Variants in GLIS1 observed in about 807,000 individuals in gnomAD.
GLIS1 encodes zinc finger protein GLIS1.
A neutral mutation model predicts 63.8 loss-of-function variants in GLIS1; 24 were observed. The observed-to-expected ratio is 0.38, with a 90% confidence interval of 0.27 to 0.53. GLIS1 has a LOEUF of 0.53. Among genes scored for constraint, GLIS1 ranks in the 20% least tolerant of loss-of-function variants. The pLI, the probability that GLIS1 is intolerant of heterozygous loss-of-function variation, is 0.85. For synonymous variants in GLIS1, 450 were observed against 482.5 expected (o/e 0.93, Z 0.88); for missense variants, 1,036 against 1,074.1 (o/e 0.96, Z 0.50).
chr1:53,709,044 A>C (rs1170418092), intron 2 of GLIS1, among the ~76,000 whole-genome samples: 3 of 152,088 alleles, frequency 2.0e-5, no homozygotes, highest in Non-Finnish European at 4.4e-5. Flanking sequence ...GAAGTCAAAG[A>C]TTATCTATCT....
At chr1:53,702,404 A>G (rs1429537273) in intron 2 of GLIS1, among the ~76,000 whole-genome samples, 2 of 152,274 alleles carry the variant, frequency 1.3e-5, no homozygotes, top group African/African-American at 4.8e-5. Flanking sequence ...AGTACACATT[A>G]GCACACATGA....
chr1:53,556,446 G>GTGTT (rs1644828672), intron 4 of GLIS1, among the ~76,000 whole-genome samples: 2 of 143,958 alleles, frequency 1.4e-5, no homozygotes, highest in African/African-American at 5.3e-5. Flanking sequence ...TACTGCAGGT[G>GTGTT]TGTGTATGCA....
chr1:53,594,832 A>C lies in GLIS1; in HGVS notation c.596T>G (p.Leu199Arg). Residue 199 changes from leucine (L) to arginine (R), a missense_variant, in exon 4 of 11, where the codon CTG (leucine) becomes CGG (arginine). By Grantham distance (102) the Leu-to-Arg change is moderately radical. Around this residue, in one of 3 missense-constraint regions of GLIS1, gnomAD observed 592 missense variants for 593.9 expected, o/e 1.00. Coordinates refer to ENST00000628545, the MANE Select transcript of GLIS1 (RefSeq NM_001367484.1). Reference protein sequence around the residue: ...GPLATGLHPDLDLPGRSLATP... With the variant: ...GPLATGLHPDRDLPGRSLATP... ...GGCGAGGCTTCGGCCCGGGAGGTCC[A>C]GGTCTGGGTGCAGGCCAGTGGCCAG... The C allele has an allele frequency of 6.2e-7, 1 of 1,604,394 alleles. No homozygotes were observed. Among genetic ancestry groups the C allele is most frequent in the South Asian group, 1.1e-5 (1 of 89,716 alleles).
chr1:53,633,249 G>T (rs1645686069), intron 2 of GLIS1, among the ~76,000 whole-genome samples: 1 of 148,734 alleles, frequency 6.7e-6, no homozygotes, highest in Admixed American at 6.7e-5. Flanking sequence ...GTGTGAAGGG[G>T]CGTGTGAATA....
Position 53,560,982 on chromosome 1 carries a change from C to T in GLIS1, c.1321-31030G>A, listed in dbSNP as rs1384372376. ...GGATGTCCGCTCCCTTCAGGATCTC[C>T]AATGTGCGCTCCGGGACCAAGCCCC... On this transcript the variant is annotated intron_variant, in intron 4 of 10. Transcript: ENST00000628545. The surrounding 1 kb of genome is among the most constrained non-coding windows in gnomAD (Gnocchi z 4.4). 6.6e-6 allele frequency among the ~76,000 whole-genome samples: 1 copy of T among 152,198 alleles called. No homozygotes were observed. The highest frequency in any genetic ancestry group is 1.5e-5 in the Non-Finnish European group (1 of 68,028).
At chr1:53,688,447 G>A (rs752589594) in intron 2 of GLIS1, among the ~76,000 whole-genome samples, 5 of 152,158 alleles carry the variant, frequency 3.3e-5, no homozygotes, top group Non-Finnish European at 5.9e-5. Flanking sequence ...CCCAGCCTCT[G>A]TGCCACCTTT....
At chr1:53,575,290 T>C (rs1475935652) in intron 4 of GLIS1, among the ~76,000 whole-genome samples, 1 of 152,128 alleles carries the variant, frequency 6.6e-6, no homozygotes, top group Non-Finnish European at 1.5e-5. Context: ...TCAACCCTCC[T>C]GCGGTCTCTG....
intron 7 of GLIS1, among the ~76,000 whole-genome samples, chr1:53,517,619 C>T (rs1335385097): frequency 4.0e-5 from 6 of 150,072 alleles, no homozygotes; most frequent in Non-Finnish European, 7.5e-5. Context: ...CAGGATGGGC[C>T]TGGCAGATAA....
chr1:53,664,580 C>A (rs1204393475), intron 2 of GLIS1, among the ~76,000 whole-genome samples: 2 of 152,224 alleles, frequency 1.3e-5, no homozygotes, highest in Non-Finnish European at 2.9e-5. Flanking sequence ...GTGCCAGGCA[C>A]CATTCTAGGC....
At chr1:53,597,176 TAAAAAAAAAAAAAAAAAAAAAAAA>T (rs57607550) in intron 3 of GLIS1, among the ~76,000 whole-genome samples, 1 of 19,312 alleles carries the variant, frequency 5.2e-5, no homozygotes, top group African/African-American at 1.4e-4. Flanking sequence ...CTGTCTCTAC[TAAAAAAAAAAAAAAAAAAAAAAAA>T]AAAAAAAAAA....
At chr1:53,631,483 A>G (rs982376585) in intron 2 of GLIS1, among the ~76,000 whole-genome samples, 9 of 152,246 alleles carry the variant, frequency 5.9e-5, no homozygotes, top group Non-Finnish European at 1.2e-4. Context: ...AACATTATTC[A>G]GTCATCACAT....
chr1:53,514,233 G>A (rs1450546051), intron 8 of GLIS1, among the ~76,000 whole-genome samples: 2 of 152,188 alleles, frequency 1.3e-5, no homozygotes, highest in Non-Finnish European at 2.9e-5. Flanking sequence ...GCGCGCAGTG[G>A]GCAGTCTGCT....
In GLIS1 at chr1:53,509,199, T is replaced by G. The variant is rs146824733; in HGVS notation, c.2151A>C (p.Gly717=). 76 of 1,599,940 alleles carry G rather than the reference T, an allele frequency of 4.8e-5. 1 individual carries two copies. The African/African-American group carries it at 8.3e-4, about 17-fold the overall frequency. ...RMAEPAAGGD[G]LVGETHGFNP... ...TGAAACCGTGGGTCTCCCCGACCAGTCCGTCCCCACCGGCTGCTGGTTCAG... is the reference window on the plus strand; with the variant it reads ...TGAAACCGTGGGTCTCCCCGACCAGGCCGTCCCCACCGGCTGCTGGTTCAG... The change falls in exon 10 of 11, where the codon GGA becomes GGC. Residue 717 remains glycine (G), a synonymous_variant. Transcript: ENST00000628545.
At chr1:53,738,570 C>A (rs965749077) in intron 1 of GLIS1, among the ~76,000 whole-genome samples, 1 of 152,186 alleles carries the variant, frequency 6.6e-6, no homozygotes, top group Non-Finnish European at 1.5e-5. Context: ...TCTCCGGGGC[C>A]GAGCTGCGCG....
chr1:53,662,005 C>T (rs1393646156), intron 2 of GLIS1, among the ~76,000 whole-genome samples: 1 of 152,184 alleles, frequency 6.6e-6, no homozygotes, highest in Non-Finnish European at 1.5e-5. Context: ...CTCTGCTCAA[C>T]ACAGGGAGGG....
intron 2 of GLIS1, among the ~76,000 whole-genome samples, chr1:53,670,449 A>AG (rs1258778675): frequency 6.6e-6 from 1 of 152,234 alleles, no homozygotes; most frequent in African/African-American, 2.4e-5. Context: ...TTCAAAGACA[A>AG]GGATGGGTCT....
chr1:53,716,265 C>A (rs1557538267), intron 2 of GLIS1, among the ~76,000 whole-genome samples: 1 of 151,998 alleles, frequency 6.6e-6, no homozygotes, highest in African/African-American at 2.4e-5. Flanking sequence ...GGGTAGGGGC[C>A]CAACAGTGAG....
intron 4 of GLIS1, among the ~76,000 whole-genome samples, chr1:53,563,625 T>A (rs1310133993): frequency 1.3e-5 from 2 of 152,194 alleles, no homozygotes; most frequent in African/African-American, 4.8e-5. Context: ...AAGGCTAATC[T>A]ACCTTTAATC....
chr1:53,695,464 G>T (rs1362723114), intron 2 of GLIS1, among the ~76,000 whole-genome samples: 1 of 152,238 alleles, frequency 6.6e-6, no homozygotes, highest in Non-Finnish European at 1.5e-5. Flanking sequence ...GCAGCGACTT[G>T]TCTGTCCTCA....
Sources: gnomAD v4.1 joint callset for allele counts (sites outside exome capture counted in the v4.1 genomes callset) on GRCh38, gnomAD v4.1.1 for gene constraint, gnomAD v4.1.1 regional missense constraint, Gnocchi (gnomAD v3.1) non-coding constraint, MANE v1.5 for transcripts, NCBI Gene and HGNC (gene_info 2026-07-23, HGNC 2026-07-21) for gene names.